RERG: variants seen among roughly 807,000 people sequenced by gnomAD.
RERG encodes RAS like estrogen regulated growth inhibitor.
RERG carries 25 observed loss-of-function variants against 23.2 expected under a neutral mutation model. That is an observed-to-expected ratio of 1.08 (90% confidence interval 0.79 to 1.50). The LOEUF (loss-of-function observed/expected upper bound fraction) is 1.50. RERG is among the 40% of genes most tolerant of loss of function. The pLI is 0.00. For synonymous variants in RERG, 81 were observed against 89.1 expected (o/e 0.91, Z 0.51); for missense variants, 253 against 250.1 (o/e 1.01, Z -0.08).
Position 15,109,381 on chromosome 12 carries a change from T to C in RERG, c.329A>G (p.Asn110Ser). ...NILDEIKKPK[N>S]VTLILVGNKA... ...GTTTCCAACCAAGATGAGAGTCACA[T>C]TCTTGGGCTTTTTGATCTCATCTAG... is the stretch of plus-strand genomic sequence containing the variant. The change falls in exon 5 of 5, where the codon AAT becomes AGT. Residue 110 changes from asparagine (N) to serine (S), a missense_variant. Coordinates refer to ENST00000256953, the MANE Select transcript of RERG (RefSeq NM_032918.3). 1 of 1,614,100 alleles carries C rather than the reference T, an allele frequency of 6.2e-7. No homozygotes were observed. Among genetic ancestry groups the C allele is most frequent in the South Asian group, 1.1e-5 (1 of 91,082 alleles).
intron 2 of RERG, among the ~76,000 whole-genome samples, chr12:15,123,338 C>A (rs1360195199): frequency 6.6e-6 from 1 of 151,720 alleles, no homozygotes; most frequent in Admixed American, 6.6e-5. Flanking sequence ...CAGTTAAGAA[C>A]CTTGGTTAGT....
intron 2 of RERG, among the ~76,000 whole-genome samples, chr12:15,207,829 T>C (rs1023717719): frequency 2.0e-5 from 3 of 152,150 alleles, no homozygotes; most frequent in African/African-American, 7.2e-5. Flanking sequence ...TTTATCATGC[T>C]CTACGTGACA....
At chr12:15,169,270 C>T (rs1864740002) in intron 2 of RERG, among the ~76,000 whole-genome samples, 1 of 152,126 alleles carries the variant, frequency 6.6e-6, no homozygotes, top group African/African-American at 2.4e-5. Context: ...TCACAGGATG[C>T]CCAGATGTTT....
At chr12:15,152,043 A>G (rs1004839409) in intron 2 of RERG, 7 of 152,256 alleles carry the variant, frequency 4.6e-5, no homozygotes, top group African/African-American at 1.4e-4. Flanking sequence ...GGCACATGAA[A>G]TAACCCAGGA....
At chr12:15,180,860 A>G (rs991570921) in intron 2 of RERG, among the ~76,000 whole-genome samples, 1 of 152,188 alleles carries the variant, frequency 6.6e-6, no homozygotes, top group African/African-American at 2.4e-5. Context: ...CAAACTGGGG[A>G]GTAAGACCAC....
At chr12:15,202,999 G>A (rs901138482) in intron 2 of RERG, among the ~76,000 whole-genome samples, 5 of 151,688 alleles carry the variant, frequency 3.3e-5, no homozygotes, top group Non-Finnish European at 4.4e-5. Flanking sequence ...TTTTATAACA[G>A]CCATTTTAAC....
chr12:15,140,163 T>C (rs1297647589), intron 2 of RERG, among the ~76,000 whole-genome samples: 1 of 152,142 alleles, frequency 6.6e-6, no homozygotes, highest in Non-Finnish European at 1.5e-5. Context: ...TATTAGGAGG[T>C]GGAGCCTTTC....
At chr12:15,159,309 CA>C (rs750531212) in intron 2 of RERG, among the ~76,000 whole-genome samples, 6 of 152,154 alleles carry the variant, frequency 3.9e-5, no homozygotes, top group Non-Finnish European at 8.8e-5. Flanking sequence ...GGCCTACAAC[CA>C]CAATAGTAGT....
Position 15,111,361 on chromosome 12 carries a change from G to C in RERG, c.175C>G (p.Leu59Val), listed in dbSNP as rs776468135. Residue 59 changes from leucine to valine, a missense_variant, in exon 4 of 5, where the codon CTA (leucine) becomes GTA (valine). Transcript: ENST00000256953. ...TTATTCACCTGACCAGCAGTGTCTA[G>C]TATCTCCATGGAAACAACTTCATCA... Reference protein sequence around the residue: ...IDDEVVSMEILDTAGQEDTIQ... With the variant: ...IDDEVVSMEIVDTAGQEDTIQ... 1.9e-6 allele frequency: 3 copies of C among 1,612,326 alleles called. No individual in the cohort carries two copies. Among genetic ancestry groups the C allele is most frequent in the Non-Finnish European group, 2.5e-6 (3 of 1,178,654 alleles).
rs902132339 is a variant in RERG at position 15,109,027 on chromosome 12, A to C, written c.*83T>G. On this transcript the variant is annotated 3_prime_UTR_variant, in exon 5 of 5. Coordinates refer to ENST00000256953, the MANE Select transcript of RERG (RefSeq NM_032918.3). ...ACATTTCTCAGAATCCAAACAAAGA[A>C]TGCAATATTTTGTTTTATTTTTGAA... 7.7e-6 allele frequency: 10 copies of C among 1,302,350 alleles called. No individual in the cohort carries two copies. In the African/African-American group the frequency reaches 1.3e-4, roughly 17 times the overall value. 80.7% of individuals were successfully genotyped at this position (1,302,350 alleles called of 1,614,324 possible). A position where few individuals can be genotyped will look rare whatever the true frequency, so the allele number is the denominator to read the frequency against.
intron 2 of RERG, among the ~76,000 whole-genome samples, chr12:15,214,179 T>C (rs1460841907): frequency 2.0e-5 from 3 of 152,136 alleles, no homozygotes; most frequent in Admixed American, 6.5e-5. Context: ...CAAATTATAA[T>C]AATATAAGCT....
At chr12:15,178,990 G>C (rs549001121) in intron 2 of RERG, among the ~76,000 whole-genome samples, 84 of 152,276 alleles carry the variant, frequency 5.5e-4, no homozygotes, top group African/African-American at 1.8e-3. Context: ...TTCTCCAGCT[G>C]TTCTGCCTAG....
chr12:15,213,579 A>G (rs1323050469), intron 2 of RERG, among the ~76,000 whole-genome samples: 1 of 152,238 alleles, frequency 6.6e-6, no homozygotes, highest in African/African-American at 2.4e-5. Context: ...AGAAGGAACA[A>G]GAATTCCCCC....
At chr12:15,150,484 T>C (rs537540714) in intron 2 of RERG, among the ~76,000 whole-genome samples, 65 of 152,326 alleles carry the variant, frequency 4.3e-4, no homozygotes, top group Non-Finnish European at 6.6e-4. Context: ...AGGATTGTTA[T>C]GAGGAGTAAA....
At chr12:15,193,408 A>C (rs1475109236) in intron 2 of RERG, among the ~76,000 whole-genome samples, 2 of 152,030 alleles carry the variant, frequency 1.3e-5, no homozygotes, top group African/African-American at 4.8e-5. Flanking sequence ...ATTTTTCAGC[A>C]CTTCCTTACT....
Position 15,111,407 on chromosome 12 carries a change from G to T in RERG, c.129C>A (p.Tyr43Ter). Residue 43 changes from tyrosine (Y) to a stop codon, truncating the protein, a stop_gained, in exon 4 of 5, where the codon TAC becomes TAA. Coordinates refer to ENST00000256953, the MANE Select transcript of RERG (RefSeq NM_032918.3). LOFTEE classifies it high-confidence loss of function. Reference protein sequence around the residue: ...WEYDPTLESTYRHQATIDDEV... With the variant: ...WEYDPTLEST Reference sequence around the variant, plus strand: ...CATCATCGATGGTTGCTTGGTGTCGGTAGGTTGATTCTAAGGGAATGAGCA... The same window carrying T: ...CATCATCGATGGTTGCTTGGTGTCGTTAGGTTGATTCTAAGGGAATGAGCA... 6.2e-7 allele frequency: 1 copy of T among 1,612,848 alleles called. No homozygotes were observed. Among genetic ancestry groups the T allele is most frequent in the South Asian group, 1.1e-5 (1 of 90,960 alleles).
intron 2 of RERG, among the ~76,000 whole-genome samples, chr12:15,210,527 G>A (rs967475764): frequency 3.9e-5 from 6 of 152,002 alleles, no homozygotes; most frequent in African/African-American, 1.5e-4. Flanking sequence ...TTGTCAACCT[G>A]CAAAGTACTT....
At chr12:15,130,576 T>C (rs557422792) in intron 2 of RERG, among the ~76,000 whole-genome samples, 3 of 152,212 alleles carry the variant, frequency 2.0e-5, no homozygotes, top group South Asian at 4.1e-4. Flanking sequence ...AAAAAAACCA[T>C]TTGGCTTTAT....
At chr12:15,119,095 AGAATTAATGAAGCCCTCACCTGG>A (rs1310661698) in intron 3 of RERG, among the ~76,000 whole-genome samples, 3 of 152,186 alleles carry the variant, frequency 2.0e-5, no homozygotes, top group African/African-American at 7.2e-5. Context: ...CCAGTGTGAG[AGAATTAATGAAGCCCTCACCTGG>A]GAATGAGTCA....
Sources: allele counts gnomAD v4.1 joint callset (sites outside exome capture counted in the v4.1 genomes callset), GRCh38; gene constraint gnomAD v4.1.1; transcripts MANE v1.5; gene names NCBI Gene and HGNC (gene_info 2026-07-23, HGNC 2026-07-21).